Variants in CNNM2 observed in about 807,000 individuals in gnomAD.
The protein encoded by CNNM2 is metal transporter CNNM2.
CNNM2 carries 12 observed loss-of-function variants against 66.9 expected under a neutral mutation model. That is an observed-to-expected ratio of 0.18 (90% confidence interval 0.11 to 0.29). The LOEUF (loss-of-function observed/expected upper bound fraction) is 0.29. Ranked by LOEUF, CNNM2 falls within the 10% of genes least tolerant of loss-of-function variation. The pLI is 1.00. For missense variants in CNNM2, 705 were observed against 1,167.7 expected (o/e 0.60, Z 5.77); for synonymous variants, 557 against 501.8 (o/e 1.11, Z -1.47).
intron 1 of CNNM2, among the ~76,000 whole-genome samples, chr10:102,955,258 A>G (rs182427662): frequency 9.8e-5 from 15 of 152,312 alleles, no homozygotes; most frequent in Non-Finnish European, 1.8e-4. Flanking sequence ...GACAAACCTG[A>G]CAAAAGCAAG....
intron 1 of CNNM2, among the ~76,000 whole-genome samples, chr10:103,035,533 A>T (rs944782170): frequency 6.6e-6 from 1 of 152,192 alleles, no homozygotes; most frequent in Non-Finnish European, 1.5e-5. Flanking sequence ...CAGAGAGAGA[A>T]ATAATGGAAA....
In CNNM2 at chr10:102,918,637, C is replaced by T. The variant is rs1012970529; in HGVS notation, c.157C>T (p.Leu53=). ...AAAGRLLPLL[L]LSCCCGAGGC... is the part of the protein sequence containing the mutation. Reference sequence around the variant, plus strand: ...TGCGGGGCGGCTGCTGCCGCTGCTCCTGCTGAGCTGCTGCTGCGGTGCGGG... The same window carrying T: ...TGCGGGGCGGCTGCTGCCGCTGCTCTTGCTGAGCTGCTGCTGCGGTGCGGG... The change falls in exon 1 of 8, where the codon CTG becomes TTG. Residue 53 remains leucine (L), a synonymous_variant. Coordinates refer to ENST00000369878, the MANE Select transcript of CNNM2 (RefSeq NM_017649.5). The surrounding 1 kb of genome is among the most constrained non-coding windows in gnomAD (Gnocchi z 4.1). 1.3e-6 allele frequency: 2 copies of T among 1,547,660 alleles called. No individual in the cohort carries two copies. The highest frequency in any genetic ancestry group is 2.8e-5 in the African/African-American group (2 of 72,258).
At chr10:103,026,601 CAAAAAAA>C (rs887780071) in intron 1 of CNNM2, among the ~76,000 whole-genome samples, 10 of 64,918 alleles carry the variant, frequency 1.5e-4, no homozygotes, top group East Asian at 4.6e-4. Flanking sequence ...ACCTTGTCTT[CAAAAAAA>C]AAAAAAAAAA....
At chr10:102,996,402 A>T (rs528520628) in intron 1 of CNNM2, among the ~76,000 whole-genome samples, 2 of 152,202 alleles carry the variant, frequency 1.3e-5, no homozygotes, top group South Asian at 4.1e-4. Flanking sequence ...ACTGTTTATA[A>T]CTGCAATTAA....
chr10:102,949,035 G>C (rs1189636932), intron 1 of CNNM2, among the ~76,000 whole-genome samples: 1 of 152,210 alleles, frequency 6.6e-6, no homozygotes, highest in Non-Finnish European at 1.5e-5. Flanking sequence ...TTTTAGGAGA[G>C]AACCTTGAGT....
At chr10:102,980,343 C>CTTTTTTT in intron 1 of CNNM2, among the ~76,000 whole-genome samples, 1 of 150,088 alleles carries the variant, frequency 6.7e-6, no homozygotes. Flanking sequence ...TTTTTCATAG[C>CTTTTTTT]TCACTGCAGC....
In CNNM2 at chr10:103,077,968, A is replaced by AG. The variant is rs2065717494; in HGVS notation, c.*790dup. On this transcript the variant is annotated 3_prime_UTR_variant, in exon 8 of 8. Coordinates refer to ENST00000369878, the MANE Select transcript of CNNM2 (RefSeq NM_017649.5). ...AAACCCATGGTTTATCATTGGCAAG[A>AG]GGCAAGTTGACTTCATCCTGTCATT... 1 of 152,684 alleles carries AG rather than the reference A, an allele frequency of 6.5e-6. No individual in the cohort carries two copies. Among genetic ancestry groups the AG allele is most frequent in the South Asian group, 2.1e-4 (1 of 4,834 alleles). 9.5% of individuals were successfully genotyped at this position (152,684 alleles called of 1,614,324 possible).
chr10:102,971,027 C>CA lies in CNNM2; in HGVS notation c.1621+50940dup, dbSNP rs201268107. On this transcript the variant is annotated intron_variant, in intron 1 of 7. Coordinates refer to ENST00000369878, the MANE Select transcript of CNNM2 (RefSeq NM_017649.5). Reference sequence around the variant, plus strand: ...ACAAGATGGTGAGACCCTGTCTCTACAAAAAAAAAAAAAATCTAAAAATTA... The same window carrying CA: ...ACAAGATGGTGAGACCCTGTCTCTACAAAAAAAAAAAAAAATCTAAAAATTA... Among the ~76,000 whole-genome samples, 287 of 122,422 alleles carry CA rather than the reference C, an allele frequency of 2.3e-3. 2 individuals are homozygous for CA. Among genetic ancestry groups the CA allele is most frequent in the East Asian group, 8.0e-3 (36 of 4,518 alleles). The allele number at this position is 122,422 out of a possible 152,430, so 80.3% of individuals were successfully genotyped here.
At chr10:102,938,690 A>G (rs1353167764) in intron 1 of CNNM2, among the ~76,000 whole-genome samples, 1 of 150,562 alleles carries the variant, frequency 6.6e-6, no homozygotes, top group African/African-American at 2.4e-5. Context: ...AAAATTAAAC[A>G]TTTTAGGGAG....
At position 103,054,545 on chromosome 10, in the gene CNNM2, T is replaced by TTCA; in HGVS notation, c.1903+79_1903+80insTCA. 1 of 1,466,858 alleles carries TTCA rather than the reference T, an allele frequency of 6.8e-7. No homozygotes were observed. Among genetic ancestry groups the TTCA allele is most frequent in the Non-Finnish European group, 9.4e-7 (1 of 1,068,768 alleles). 90.9% of individuals were successfully genotyped at this position (1,466,858 alleles called of 1,614,324 possible). ...TCACCCACCACTGACTGGGGTGGGT[T>TTCA]GGGGGTGGACACTGGGAAATGGGGT... On this transcript the variant is annotated intron_variant, in intron 3 of 7. Coordinates refer to ENST00000369878, the MANE Select transcript of CNNM2 (RefSeq NM_017649.5). This position sits in a 1 kb window ranked among gnomAD's most constrained non-coding sequence, Gnocchi z 5.2.
At chr10:103,046,591 G>C (rs1255893006) in intron 1 of CNNM2, among the ~76,000 whole-genome samples, 1 of 152,110 alleles carries the variant, frequency 6.6e-6, no homozygotes, top group African/African-American at 2.4e-5. Context: ...TCAAAACATT[G>C]GTTGATTTAA....
At chr10:103,070,232 TAGTG>T (rs1301631172) in intron 5 of CNNM2, among the ~76,000 whole-genome samples, 1 of 152,166 alleles carries the variant, frequency 6.6e-6, no homozygotes, top group Admixed American at 6.5e-5. Flanking sequence ...TTTCACTGCT[TAGTG>T]AGAGAGACAG....
At chr10:102,934,887 G>C (rs371854310) in intron 1 of CNNM2, among the ~76,000 whole-genome samples, 30 of 151,454 alleles carry the variant, frequency 2.0e-4, no homozygotes, top group Non-Finnish European at 2.2e-4. Flanking sequence ...GGCTGGGCAT[G>C]GTGGCTCATG....
Position 102,918,539 on chromosome 10 carries a change from C to G in CNNM2, c.59C>G (p.Ala20Gly). 6.2e-7 allele frequency: 1 copy of G among 1,601,950 alleles called. No homozygotes were observed. The highest frequency in any genetic ancestry group is 8.5e-7 in the Non-Finnish European group (1 of 1,176,666). ...AAGATGGCGGGCGGGCAGGCAGCCG[C>G]CGCACTGCCCACTTGGAAGATGGCG... ...KVKMAGGQAA[A>G]ALPTWKMAAR... The change falls in exon 1 of 8, where the codon GCC (alanine) becomes GGC (glycine). Residue 20 changes from alanine to glycine, a missense_variant. Ala to Gly is a moderately conservative substitution (Grantham distance 60, BLOSUM62 0). This residue lies in a region of CNNM2 where 98 missense variants were observed against 73.6 expected (regional missense o/e 1.33). Coordinates refer to ENST00000369878, the MANE Select transcript of CNNM2 (RefSeq NM_017649.5). This position sits in a 1 kb window ranked among gnomAD's most constrained non-coding sequence, Gnocchi z 4.1.
intron 1 of CNNM2, among the ~76,000 whole-genome samples, chr10:102,954,116 CTTTTCTTTTCT>C (rs573769099): frequency 6.5e-4 from 86 of 133,136 alleles, no homozygotes; most frequent in African/African-American, 2.3e-3. Context: ...TTTTTCTTTT[CTTTTCTTTTCT>C]TTTTTTTTTT....
At chr10:102,930,435 A>G (rs1366639810) in intron 1 of CNNM2, among the ~76,000 whole-genome samples, 1 of 152,242 alleles carries the variant, frequency 6.6e-6, no homozygotes, top group African/African-American at 2.4e-5. Flanking sequence ...TAAGAACATT[A>G]TGAATCCTGA....
intron 6 of CNNM2, among the ~76,000 whole-genome samples, chr10:103,074,742 G>A (rs1411370783): frequency 6.6e-6 from 1 of 152,178 alleles, no homozygotes; most frequent in South Asian, 2.1e-4. Flanking sequence ...GCTGAGGTAG[G>A]AGGATCCCCT....
chr10:102,935,746 G>T (rs1846214891), intron 1 of CNNM2, among the ~76,000 whole-genome samples: 1 of 141,092 alleles, frequency 7.1e-6, no homozygotes, highest in Admixed American at 7.2e-5. Flanking sequence ...AAATAGCTGT[G>T]ATCACAGGCA....
At chr10:103,026,122 A>G (rs374576100) in intron 1 of CNNM2, among the ~76,000 whole-genome samples, 12 of 152,288 alleles carry the variant, frequency 7.9e-5, no homozygotes, top group East Asian at 1.9e-4. Context: ...GGGCCCCTCA[A>G]TCTTGCACTT....
Sources: gnomAD v4.1 joint callset for allele counts (sites outside exome capture counted in the v4.1 genomes callset) on GRCh38, gnomAD v4.1.1 for gene constraint, gnomAD v4.1.1 regional missense constraint, Gnocchi (gnomAD v3.1) non-coding constraint, MANE v1.5 for transcripts, NCBI Gene and HGNC (gene_info 2026-07-23, HGNC 2026-07-21) for gene names.